RILPL1: variants seen among roughly 807,000 people sequenced by gnomAD.
The protein encoded by RILPL1 is RILP-like protein 1.
A neutral mutation model predicts 50.3 loss-of-function variants in RILPL1; 33 were observed. The ratio of observed to expected loss-of-function variants is 0.66; its 90% CI spans 0.50 to 0.88. The LOEUF is 0.88. Ranked by LOEUF, RILPL1 falls within the 40% of genes least tolerant of loss-of-function variation. The pLI is 0.00. For synonymous variants in RILPL1, 205 were observed against 228.6 expected (o/e 0.90, Z 0.93); for missense variants, 418 against 542.5 (o/e 0.77, Z 2.28).
intron 2 of RILPL1, among the ~76,000 whole-genome samples, chr12:123,501,438 G>T (rs1440128265): frequency 7.2e-6 from 1 of 138,568 alleles, no homozygotes; most frequent in Non-Finnish European, 1.5e-5. Flanking sequence ...AGAAGACCCT[G>T]TCTCAAAACA....
At chr12:123,496,416 A>C (rs962813858) in intron 4 of RILPL1, among the ~76,000 whole-genome samples, 5 of 152,158 alleles carry the variant, frequency 3.3e-5, no homozygotes, top group Non-Finnish European at 7.3e-5. Flanking sequence ...AATTCACAGG[A>C]TACCTAATGA....
chr12:123,499,453 T>C lies in RILPL1; in HGVS notation c.544A>G (p.Arg182Gly). ...TCCTCATTTTTCAGGCCCAGCTCCC[T>C]GTCCTTGGCGCGGATCTCGTCGCGT... ...KQRDEIRAKD[R>G]ELGLKNEDVE... The change falls in exon 3 of 7, where the codon AGG (arginine) becomes GGG (glycine). Residue 182 changes from arginine to glycine, a missense_variant. Physicochemically the swap from Arg to Gly is moderately radical, Grantham distance 125. Transcript: ENST00000376874. The C allele has an allele frequency of 6.2e-7, 1 of 1,613,924 alleles. No individual in the cohort carries two copies. Among genetic ancestry groups the C allele is most frequent in the Non-Finnish European group, 8.5e-7 (1 of 1,179,824 alleles).
Position 123,526,498 on chromosome 12 carries a change from T to C in RILPL1, c.310-2853A>G, listed in dbSNP as rs59649594. Among the ~76,000 whole-genome samples the C allele has an allele frequency of 6.7e-4, 102 of 151,924 alleles. 5 individuals carry two copies. In the East Asian group the frequency reaches 0.019, roughly 28 times the overall value. ...TGGTATCTGCCGGGAAGGGTGGGTG[T>C]GAGGATTAAATGGTTACTATAAGTA... On this transcript the variant is annotated intron_variant, in intron 1 of 6. Transcript: ENST00000376874.
intron 2 of RILPL1, among the ~76,000 whole-genome samples, chr12:123,517,919 G>A (rs1022395919): frequency 6.6e-6 from 1 of 152,304 alleles, no homozygotes; most frequent in Non-Finnish European, 1.5e-5. Flanking sequence ...TCTGACATGG[G>A]CTACAAAATG....
intron 2 of RILPL1, among the ~76,000 whole-genome samples, chr12:123,510,865 G>A (rs1363589563): frequency 7.0e-6 from 1 of 143,270 alleles, no homozygotes. Flanking sequence ...GGTGTGTGAG[G>A]TCTGTGTGCA....
At chr12:123,504,808 A>T (rs1237740670) in intron 2 of RILPL1, among the ~76,000 whole-genome samples, 1 of 151,590 alleles carries the variant, frequency 6.6e-6, no homozygotes, top group Non-Finnish European at 1.5e-5. Flanking sequence ...ACAGCCAAAA[A>T]CTCAAGCCCA....
At chr12:123,525,383 AT>A (rs36117410) in intron 1 of RILPL1, among the ~76,000 whole-genome samples, 52 of 134,372 alleles carry the variant, frequency 3.9e-4, no homozygotes, top group Middle Eastern at 3.8e-3. Context: ...TGACTGGCTA[AT>A]TTTTTTTTTT....
chr12:123,483,378 TCCACC>T (rs2139315518), intron 6 of RILPL1, among the ~76,000 whole-genome samples: 1 of 152,324 alleles, frequency 6.6e-6, no homozygotes, highest in East Asian at 1.9e-4. Flanking sequence ...TGATGATGCT[TCCACC>T]CCACAACACC....
At chr12:123,481,354 C>A (rs9697330) in intron 6 of RILPL1, among the ~76,000 whole-genome samples, 2 of 147,020 alleles carry the variant, frequency 1.4e-5, no homozygotes, top group East Asian at 4.1e-4. Flanking sequence ...GTGAGACTCC[C>A]TCTCAAAAAA....
intron 2 of RILPL1, among the ~76,000 whole-genome samples, chr12:123,516,639 G>A (rs920176252): frequency 2.0e-5 from 3 of 152,138 alleles, no homozygotes; most frequent in Admixed American, 2.0e-4. Flanking sequence ...TAATCCCAGC[G>A]ACCCAGAACC....
In RILPL1 at chr12:123,470,802, G is replaced by A. The variant is rs963493985; in HGVS notation, c.*1736C>T. On this transcript the variant is annotated 3_prime_UTR_variant, in exon 7 of 7. Transcript: ENST00000376874. ...ATCTCAAAAAAAAGAGAGACATTTA[G>A]TGTTTAGGAAAGATAACCAAGAAAC... The A allele has an allele frequency of 6.6e-6, 1 of 152,116 alleles. No individual in the cohort carries two copies. The highest frequency in any genetic ancestry group is 1.5e-5 in the Non-Finnish European group (1 of 68,034). 9.4% of individuals were successfully genotyped at this position (152,116 alleles called of 1,614,324 possible). A position where few individuals can be genotyped will look rare whatever the true frequency, so the allele number is the denominator to read the frequency against.
intron 4 of RILPL1, among the ~76,000 whole-genome samples, chr12:123,497,316 T>C (rs1271783813): frequency 6.6e-6 from 1 of 152,192 alleles, no homozygotes; most frequent in Non-Finnish European, 1.5e-5. Flanking sequence ...ACTCCTGGGC[T>C]CAAGTGATCC....
intron 6 of RILPL1, among the ~76,000 whole-genome samples, chr12:123,478,961 T>A (rs953294124): frequency 6.6e-6 from 1 of 152,196 alleles, no homozygotes; most frequent in African/African-American, 2.4e-5. Flanking sequence ...TCTTGGAACA[T>A]CTTCCGGGCA....
intron 4 of RILPL1, among the ~76,000 whole-genome samples, chr12:123,493,569 C>A (rs1327218223): frequency 1.3e-5 from 2 of 152,166 alleles, no homozygotes; most frequent in Non-Finnish European, 2.9e-5. Flanking sequence ...CAACCCACCC[C>A]TTCAATGAGA....
intron 2 of RILPL1, among the ~76,000 whole-genome samples, chr12:123,512,005 A>ATGTGTGAGGTCTGTG (rs1884308341): frequency 2.0e-5 from 1 of 50,470 alleles, no homozygotes; most frequent in Non-Finnish European, 3.8e-5. Context: ...TGAGATCTGT[A>ATGTGTGAGGTCTGTG]TGTGTGAGGT....
At chr12:123,508,998 C>T (rs962966127) in intron 2 of RILPL1, among the ~76,000 whole-genome samples, 6 of 152,126 alleles carry the variant, frequency 3.9e-5, no homozygotes, top group Middle Eastern at 3.2e-3. Flanking sequence ...CCAACCTGGT[C>T]AACATGGTGA....
At chr12:123,511,189 TGTG>T (rs1447773802) in intron 2 of RILPL1, among the ~76,000 whole-genome samples, 3 of 141,456 alleles carry the variant, frequency 2.1e-5, no homozygotes, top group Non-Finnish European at 3.1e-5. Context: ...TCTGTGTGTG[TGTG>T]GTGTGTGAGG....
At chr12:123,475,136 T>TA (rs2139303546) in intron 6 of RILPL1, 1 of 158,206 alleles carries the variant, frequency 6.3e-6, no homozygotes, top group South Asian at 1.9e-4. Flanking sequence ...ACCTCACGGT[T>TA]ACGCTTCACC....
intron 2 of RILPL1, among the ~76,000 whole-genome samples, chr12:123,512,053 C>CTG (rs1884321062): frequency 5.5e-5 from 4 of 72,662 alleles, no homozygotes; most frequent in Non-Finnish European, 1.0e-4. Flanking sequence ...TGTGTGAGGT[C>CTG]TGTGTGTGGT....
Sources: allele counts gnomAD v4.1 joint callset (sites outside exome capture counted in the v4.1 genomes callset), GRCh38; gene constraint gnomAD v4.1.1; transcripts MANE v1.5; gene names NCBI Gene and HGNC (gene_info 2026-07-23, HGNC 2026-07-21).